The following CYBRD1 variants were observed in gnomAD, a reference collection of about 807,000 sequenced individuals.
CYBRD1 encodes the protein plasma membrane ascorbate-dependent reductase CYBRD1.
Under a neutral mutation model 21.9 loss-of-function variants are expected in CYBRD1, and 14 were observed. The ratio of observed to expected loss-of-function variants is 0.64; its 90% CI spans 0.42 to 1.00. The LOEUF is 1.00. Among genes scored for constraint, CYBRD1 ranks in the 50% least tolerant of loss-of-function variants. CYBRD1 has a pLI of 0.00. For missense variants in CYBRD1, 328 were observed against 352.5 expected (o/e 0.93, Z 0.56); for synonymous variants, 146 against 136.5 (o/e 1.07, Z -0.48).
intron 1 of CYBRD1, among the ~76,000 whole-genome samples, chr2:171,525,947 TAAA>T (rs58388653): frequency 1.3e-4 from 8 of 61,982 alleles, no homozygotes; most frequent in African/African-American, 2.9e-4. Context: ...AACTCCCGTC[TAAA>T]AAAAAAAAAA....
chr2:171,526,267 G>GAA (rs201655626), intron 1 of CYBRD1, among the ~76,000 whole-genome samples: 3 of 150,116 alleles, frequency 2.0e-5, no homozygotes, highest in African/African-American at 7.4e-5. Context: ...ATTCTGTCTC[G>GAA]AAAAAAAAAG....
chr2:171,548,314 C>T (rs1697748148), intron 2 of CYBRD1, among the ~76,000 whole-genome samples: 1 of 152,154 alleles, frequency 6.6e-6, no homozygotes, highest in South Asian at 2.1e-4. Context: ...GCCCAACAAT[C>T]TGTGCTTTAA....
intron 1 of CYBRD1, among the ~76,000 whole-genome samples, chr2:171,537,786 C>T (rs960173417): frequency 2.6e-5 from 4 of 152,134 alleles, no homozygotes; most frequent in African/African-American, 9.7e-5. Context: ...CTATATAGCA[C>T]TGTAGGACGA....
At position 171,553,306 on chromosome 2, in the gene CYBRD1, TTAAAA is replaced by T. The variant is rs775328160; in HGVS notation, c.403-38_403-34del. On this transcript the variant is annotated intron_variant, in intron 2 of 3. Coordinates refer to ENST00000321348, the MANE Select transcript of CYBRD1 (RefSeq NM_024843.4). ...AAATAATTTAAAATTAGTTTAGAAC[TTAAAA>T]TTAAATGATAACCTTTGCACTTTTT... 15 of 1,608,908 alleles carry T rather than the reference TTAAAA, an allele frequency of 9.3e-6. No homozygotes were observed. In the Admixed American group the frequency reaches 1.3e-4, roughly 14 times the overall value.
intron 2 of CYBRD1, among the ~76,000 whole-genome samples, chr2:171,553,094 A>ATCC (rs1683405440): frequency 6.6e-6 from 1 of 152,202 alleles, no homozygotes; most frequent in Non-Finnish European, 1.5e-5. Flanking sequence ...GATTTCCAAG[A>ATCC]TATTCTGTTA....
intron 1 of CYBRD1, among the ~76,000 whole-genome samples, chr2:171,536,729 C>T (rs776519706): frequency 1.7e-4 from 26 of 152,300 alleles, no homozygotes; most frequent in Admixed American, 5.2e-4. Context: ...GCTACTGCGC[C>T]CAGCCTACTC....
intron 1 of CYBRD1, among the ~76,000 whole-genome samples, chr2:171,535,189 C>T (rs1559315438): frequency 6.6e-6 from 1 of 152,238 alleles, no homozygotes; most frequent in East Asian, 1.9e-4. Context: ...GATAGAAAAA[C>T]TCTGAGAGAG....
intron 2 of CYBRD1, among the ~76,000 whole-genome samples, chr2:171,545,497 G>A (rs1697698069): frequency 6.7e-6 from 1 of 148,610 alleles, no homozygotes. Context: ...TCCTGCCTCA[G>A]CCTCCCGAGT....
At chr2:171,546,149 T>G (rs1474558754) in intron 2 of CYBRD1, among the ~76,000 whole-genome samples, 1 of 152,168 alleles carries the variant, frequency 6.6e-6, no homozygotes, top group Non-Finnish European at 1.5e-5. Context: ...CTTGCTCAGA[T>G]CCAGAGGACA....
intron 2 of CYBRD1, among the ~76,000 whole-genome samples, chr2:171,543,460 A>ACTTCTC (rs1697666481): frequency 6.6e-6 from 1 of 152,002 alleles, no homozygotes; most frequent in South Asian, 2.1e-4. Context: ...AAACTCTCTG[A>ACTTCTC]CTTCTCCTTC....
chr2:171,553,331 C>G lies in CYBRD1; in HGVS notation c.403-15C>G. Reference sequence around the variant, plus strand: ...TTAAAATTAAATGATAACCTTTGCACTTTTTGGTGTTTAGCTTCTTTCAGG... The same window carrying G: ...TTAAAATTAAATGATAACCTTTGCAGTTTTTGGTGTTTAGCTTCTTTCAGG... On this transcript the variant is annotated splice_polypyrimidine_tract_variant and intron_variant, in intron 2 of 3. Coordinates refer to ENST00000321348, the MANE Select transcript of CYBRD1 (RefSeq NM_024843.4). 1.9e-6 allele frequency: 3 copies of G among 1,613,094 alleles called. No individual in the cohort carries two copies. Among genetic ancestry groups the G allele is most frequent in the Non-Finnish European group, 2.5e-6 (3 of 1,179,376 alleles).
At chr2:171,527,389 A>T (rs1019787441) in intron 1 of CYBRD1, among the ~76,000 whole-genome samples, 21 of 152,238 alleles carry the variant, frequency 1.4e-4, no homozygotes, top group Non-Finnish European at 5.9e-5. Context: ...GTAGACGAGT[A>T]AGTGGTTGTT....
intron 1 of CYBRD1, among the ~76,000 whole-genome samples, chr2:171,532,274 G>A (rs953052606): frequency 7.9e-5 from 12 of 152,214 alleles, no homozygotes; most frequent in Admixed American, 2.0e-4. Flanking sequence ...TTTATTCAAA[G>A]AGGGAAGGGA....
intron 2 of CYBRD1, among the ~76,000 whole-genome samples, 168 bp downstream of exon 2, chr2:171,541,961 T>G (rs1574439718): frequency 1.3e-5 from 2 of 148,582 alleles, no homozygotes; most frequent in Non-Finnish European, 3.0e-5. Flanking sequence ...GTCTCCAGGG[T>G]TCAAGTGATT....
chr2:171,537,685 A>C (rs182874616), intron 1 of CYBRD1, among the ~76,000 whole-genome samples: 2 of 152,296 alleles, frequency 1.3e-5, no homozygotes, highest in Admixed American at 1.3e-4. Context: ...AACTGGGTGA[A>C]GAGTATATGA....
At chr2:171,535,106 C>A (rs781478390) in intron 1 of CYBRD1, among the ~76,000 whole-genome samples, 3 of 151,984 alleles carry the variant, frequency 2.0e-5, no homozygotes, top group Non-Finnish European at 4.4e-5. Flanking sequence ...CTGGTGGGAA[C>A]CAAGGATGAG....
At chr2:171,551,512 A>G (rs1347224111) in intron 2 of CYBRD1, among the ~76,000 whole-genome samples, 1 of 152,236 alleles carries the variant, frequency 6.6e-6, no homozygotes, top group Non-Finnish European at 1.5e-5. Flanking sequence ...TCAGAAAACA[A>G]CAGTTAATCT....
chr2:171,542,551 T>C (rs1292041806), intron 2 of CYBRD1, among the ~76,000 whole-genome samples: 2 of 152,056 alleles, frequency 1.3e-5, no homozygotes, highest in East Asian at 3.9e-4. Context: ...GATCTAACAA[T>C]TAGCAATAAA....
intron 1 of CYBRD1, among the ~76,000 whole-genome samples, chr2:171,531,285 T>C (rs1458482431): frequency 3.3e-5 from 5 of 152,222 alleles, no homozygotes; most frequent in Non-Finnish European, 5.9e-5. Flanking sequence ...TTCTAAGTTT[T>C]TGTTGTTGTT....
Sources: gnomAD v4.1 joint callset for allele counts (sites outside exome capture counted in the v4.1 genomes callset) on GRCh38, gnomAD v4.1.1 for gene constraint, MANE v1.5 for transcripts, NCBI Gene and HGNC (gene_info 2026-07-23, HGNC 2026-07-21) for gene names.